Variants in ERH observed in about 807,000 individuals in gnomAD.
The protein encoded by ERH is ERH mRNA splicing and mitosis factor.
ERH carries 1 observed loss-of-function variant against 16.8 expected under a neutral mutation model. The ratio of observed to expected loss-of-function variants is 0.06; its 90% CI spans 0.02 to 0.28. The LOEUF is 0.28. Among genes scored for constraint, ERH ranks in the 10% least tolerant of loss-of-function variants. The probability of loss-of-function intolerance (pLI) is 1.00; values close to 1 mark genes in which losing one functional copy is unlikely to be tolerated. For synonymous variants in ERH, 43 were observed against 43.6 expected (o/e 0.99, Z 0.05); for missense variants, 42 against 127.5 (o/e 0.33, Z 3.23).
chr14:69,397,769 T>C (rs7143858), intron 1 of ERH, among the ~76,000 whole-genome samples: 68,725 of 151,936 alleles, frequency 0.45, 15,731 homozygotes, highest in Middle Eastern at 0.59. Flanking sequence ...AATAAAAAAA[T>C]TAGCCGAGCG....
intron 1 of ERH, among the ~76,000 whole-genome samples, chr14:69,395,941 G>C (rs1882322932): frequency 6.6e-6 from 1 of 152,182 alleles, no homozygotes; most frequent in South Asian, 2.1e-4. Context: ...TTAGTGATCA[G>C]TCACTAACAA....
chr14:69,382,964 T>C (rs912000782), intron 3 of ERH, among the ~76,000 whole-genome samples: 3 of 152,168 alleles, frequency 2.0e-5, no homozygotes. Context: ...AATGTAGGTT[T>C]ATATAAGAAC....
chr14:69,385,755 C>T (rs1160580403), intron 3 of ERH, among the ~76,000 whole-genome samples: 1 of 152,068 alleles, frequency 6.6e-6, no homozygotes, highest in Non-Finnish European at 1.5e-5. Context: ...TGGCACTCTA[C>T]CACAACCGTT....
chr14:69,390,101 T>A (rs2045915594), intron 2 of ERH, among the ~76,000 whole-genome samples: 1 of 152,074 alleles, frequency 6.6e-6, no homozygotes, highest in Non-Finnish European at 1.5e-5. Flanking sequence ...TGGAAAGACA[T>A]CCCATGTTCA....
At chr14:69,383,611 C>T (rs926758653) in intron 3 of ERH, among the ~76,000 whole-genome samples, 1 of 152,158 alleles carries the variant, frequency 6.6e-6, no homozygotes, top group Non-Finnish European at 1.5e-5. Flanking sequence ...AAATTTTCAA[C>T]ATTAGAAACA....
intron 1 of ERH, chr14:69,397,894 G>A (rs977914832): frequency 2.2e-6 from 1 of 460,686 alleles, no homozygotes; most frequent in African/African-American, 2.0e-5. Context: ...CTCCAGCCTG[G>A]GCGATAGAGT....
In ERH at chr14:69,387,012, T is replaced by C; in HGVS notation, c.163A>G (p.Ser55Gly). The C allele has an allele frequency of 6.2e-7, 1 of 1,613,260 alleles. No homozygotes were observed. Among genetic ancestry groups the C allele is most frequent in the South Asian group, 1.1e-5 (1 of 91,070 alleles). The change falls in exon 3 of 4, where the codon AGT (serine) becomes GGT (glycine). Residue 55 changes from serine to glycine, a missense_variant. Physicochemically the swap from Ser to Gly is moderately conservative, Grantham distance 56 (BLOSUM62 0). Transcript: ENST00000557016. ...PNSPSITYDISQLFDFIDDLA... is the reference protein window; with the variant it reads ...PNSPSITYDIGQLFDFIDDLA... ...TCATCGATGAAATCAAACAACTGAC[T>C]GATGTCATATGTGATAGAGGGACTG...
chr14:69,398,072 C>T, intron 1 of ERH, 159 bp downstream of exon 1: 2 of 944,206 alleles, frequency 2.1e-6, no homozygotes, highest in South Asian at 3.0e-5. Context: ...TCAGGCCTGG[C>T]GTCCCTGCGG....
In ERH at chr14:69,380,438, A is replaced by G; in HGVS notation, c.*100T>C. On this transcript the variant is annotated 3_prime_UTR_variant, in exon 4 of 4. Transcript: ENST00000557016. ...GTCAATCTTGGCTAGAGTATAACAA[A>G]GTGGAAACAGGATTACTATGATACA... The G allele has an allele frequency of 1.5e-6, 1 of 658,892 alleles. No individual in the cohort carries two copies. Among genetic ancestry groups the G allele is most frequent in the Non-Finnish European group, 2.8e-6 (1 of 360,612 alleles). The allele number at this position is 658,892 out of a possible 1,614,324, so 40.8% of individuals were successfully genotyped here.
intron 2 of ERH, among the ~76,000 whole-genome samples, chr14:69,394,353 G>T (rs1882286442): frequency 6.6e-6 from 1 of 151,678 alleles, no homozygotes; most frequent in Admixed American, 6.6e-5. Flanking sequence ...TGTTTAAAAT[G>T]TTCAACCGGC....
chr14:69,383,912 C>T (rs1371653603), intron 3 of ERH, among the ~76,000 whole-genome samples: 1 of 152,122 alleles, frequency 6.6e-6, no homozygotes, highest in East Asian at 1.9e-4. Flanking sequence ...CTTGGGGAGG[C>T]TGAGGAAGGA....
intron 2 of ERH, among the ~76,000 whole-genome samples, chr14:69,391,403 T>C (rs1353358701): frequency 3.9e-5 from 6 of 151,922 alleles, no homozygotes; most frequent in South Asian, 2.1e-4. Flanking sequence ...CCCCAGACTT[T>C]GGGAGGCTGA....
In ERH at chr14:69,387,148, C is replaced by T. The variant is rs1451010508; in HGVS notation, c.92-65G>A. 1.0e-5 allele frequency: 14 copies of T among 1,387,634 alleles called. No homozygotes were observed. In the South Asian group the frequency reaches 1.6e-4, roughly 16 times the overall value. 86.0% of individuals were successfully genotyped at this position (1,387,634 alleles called of 1,614,324 possible). A position where few individuals can be genotyped will look rare whatever the true frequency, so the allele number is the denominator to read the frequency against. ...CATACACTTCTAGATATGAGCAGTG[C>T]TTATGAGCTGTGCTATATGTTGATA... On this transcript the variant is annotated intron_variant, in intron 2 of 3. Coordinates refer to ENST00000557016, the MANE Select transcript of ERH (RefSeq NM_004450.3).
At chr14:69,394,769 A>G in intron 2 of ERH, 56 bp downstream of exon 2, 1 of 1,381,104 alleles carries the variant, frequency 7.2e-7, no homozygotes, top group Non-Finnish European at 1.0e-6. Context: ...TTGGAGGGGA[A>G]AAACCCAGTT....
chr14:69,390,164 G>A (rs76549384), intron 2 of ERH, among the ~76,000 whole-genome samples: 36 of 150,522 alleles, frequency 2.4e-4, no homozygotes, highest in African/African-American at 8.3e-4. Context: ...CGGATTCAAC[G>A]CAATTCCCAT....
intron 1 of ERH, among the ~76,000 whole-genome samples, chr14:69,395,999 G>C (rs1882323965): frequency 6.6e-6 from 1 of 152,180 alleles, no homozygotes; most frequent in South Asian, 2.1e-4. Flanking sequence ...CTTTTGGGTT[G>C]ACTGATTCTT....
At chr14:69,394,773 C>A (rs1882297018) in intron 2 of ERH, 52 bp downstream of exon 2, 2 of 1,401,396 alleles carry the variant, frequency 1.4e-6, no homozygotes, top group South Asian at 2.5e-5. Flanking sequence ...AGGGGAAAAA[C>A]CCAGTTCCTA....
At position 69,390,757 on chromosome 14, in the gene ERH, A is replaced by C. The variant is rs114669083; in HGVS notation, c.92-3674T>G. Among the ~76,000 whole-genome samples the C allele has an allele frequency of 3.1e-3, 475 of 152,356 alleles. 4 individuals carry two copies. The highest frequency in any genetic ancestry group is 0.011 in the African/African-American group (461 of 41,578). Reference sequence around the variant, plus strand: ...CACCACAAACGGGGAGAAAACCTTTATAAAACATCTATCTGATAAAGGACT... The same window carrying C: ...CACCACAAACGGGGAGAAAACCTTTCTAAAACATCTATCTGATAAAGGACT... On this transcript the variant is annotated intron_variant, in intron 2 of 3. Coordinates refer to ENST00000557016, the MANE Select transcript of ERH (RefSeq NM_004450.3).
chr14:69,380,631 A>G lies in ERH; in HGVS notation c.222T>C (p.Ala74=), dbSNP rs1202730965. The G allele has an allele frequency of 1.2e-6, 2 of 1,605,712 alleles. No individual in the cohort carries two copies. Among genetic ancestry groups the G allele is most frequent in the African/African-American group, 2.7e-5 (2 of 74,688 alleles). The change falls in exon 4 of 4, where the codon GCT becomes GCC. Residue 74 remains alanine, a synonymous_variant. Transcript: ENST00000557016. Reference sequence around the variant, plus strand: ...TATAAGGCTGGTATGTCTGGGTATCAGCTCGGTAACTGAGGAGAGAAAGGG... The same window carrying G: ...TATAAGGCTGGTATGTCTGGGTATCGGCTCGGTAACTGAGGAGAGAAAGGG... The part of the protein sequence containing the change: ...LADLSCLVYR[A]DTQTYQPYNK...
Sources: gnomAD v4.1 joint callset for allele counts (sites outside exome capture counted in the v4.1 genomes callset) on GRCh38, gnomAD v4.1.1 for gene constraint, MANE v1.5 for transcripts, NCBI Gene and HGNC (gene_info 2026-07-23, HGNC 2026-07-21) for gene names.